MAN1C1: variants seen among roughly 807,000 people sequenced by gnomAD.
MAN1C1 encodes mannosyl-oligosaccharide 1,2-alpha-mannosidase IC.
A neutral mutation model predicts 71.5 loss-of-function variants in MAN1C1; 49 were observed. The observed-to-expected ratio is 0.69, with a 90% CI of 0.54 to 0.87. The LOEUF (loss-of-function observed/expected upper bound fraction) is 0.87, where lower values mean the gene tolerates loss of function less well. Ranked by LOEUF, MAN1C1 falls within the 40% of genes least tolerant of loss-of-function variation. The pLI, the probability that MAN1C1 is intolerant of heterozygous loss-of-function variation, is 0.00. For missense variants in MAN1C1, 743 were observed against 835.0 expected, an observed-to-expected ratio of 0.89 and a Z score of 1.36; for synonymous variants, 352 against 343.7, an observed-to-expected ratio of 1.02 and a Z score of -0.27.
chr1:25,703,834 G>T (rs1048996188), intron 2 of MAN1C1, among the ~76,000 whole-genome samples: 2 of 152,196 alleles, frequency 1.3e-5, no homozygotes, highest in Non-Finnish European at 2.9e-5. Context: ...ATTGAAAGGG[G>T]CTGAGGTGTG....
chr1:25,772,501 A>G (rs1244009866), intron 8 of MAN1C1: 1 of 152,288 alleles, frequency 6.6e-6, no homozygotes, highest in East Asian at 1.9e-4. Flanking sequence ...CTCAACAGAT[A>G]CTTTGGAGCC....
chr1:25,669,067 AAG>A (rs981518552), intron 1 of MAN1C1, among the ~76,000 whole-genome samples: 33 of 152,312 alleles, frequency 2.2e-4, no homozygotes, highest in Admixed American at 2.0e-3. Context: ...AAGTGCAGGG[AAG>A]AGAGGAATTT....
At chr1:25,636,020 C>G (rs2045455103) in intron 1 of MAN1C1, among the ~76,000 whole-genome samples, 1 of 152,164 alleles carries the variant, frequency 6.6e-6, no homozygotes, top group African/African-American at 2.4e-5. Flanking sequence ...GCCACAAGAC[C>G]AGCAAGTTGT....
At chr1:25,648,416 G>C (rs920677925) in intron 1 of MAN1C1, among the ~76,000 whole-genome samples, 2 of 152,204 alleles carry the variant, frequency 1.3e-5, no homozygotes, top group South Asian at 4.1e-4. Flanking sequence ...TAGAGCAGAT[G>C]ATGGTCTTGG....
intron 1 of MAN1C1, among the ~76,000 whole-genome samples, chr1:25,684,872 C>G (rs2744776): frequency 0.22 from 33,370 of 152,218 alleles, 6,247 homozygotes; most frequent in African/African-American, 0.51. Context: ...GTGCTTCTCA[C>G]ATGTGGCCCC....
At position 25,644,518 on chromosome 1, in the gene MAN1C1, A is replaced by ATTTTTTT. The variant is rs1203077345; in HGVS notation, c.540+26200_540+26206dup. 1.0e-3 allele frequency: 41 copies of ATTTTTTT among 40,290 alleles called. 7 individuals carry two copies. Among genetic ancestry groups the ATTTTTTT allele is most frequent in the East Asian group, 7.7e-3 (7 of 904 alleles). The allele number at this position is 40,290 out of a possible 1,614,324, so 2.5% of individuals were successfully genotyped here. A position where few individuals can be genotyped will look rare whatever the true frequency, so the allele number is the denominator to read the frequency against. ...GAGACATATATATATATATATATAT[A>ATTTTTTT]TTTTTTTTTTTTTTTTTTTTTTTTT... On this transcript the variant is annotated intron_variant, in intron 1 of 11. Coordinates refer to ENST00000374332, the MANE Select transcript of MAN1C1 (RefSeq NM_020379.4).
intron 2 of MAN1C1, among the ~76,000 whole-genome samples, chr1:25,693,734 A>T (rs182656139): frequency 3.3e-5 from 5 of 152,344 alleles, no homozygotes; most frequent in Non-Finnish European, 5.9e-5. Context: ...TGTCAGTGTG[A>T]TGGACAGAGA....
chr1:25,731,467 G>A (rs979306322), intron 2 of MAN1C1, among the ~76,000 whole-genome samples: 2 of 152,126 alleles, frequency 1.3e-5, no homozygotes, highest in East Asian at 1.9e-4. Flanking sequence ...GGCTTCAGTC[G>A]TCTACATTAT....
intron 1 of MAN1C1, among the ~76,000 whole-genome samples, chr1:25,641,399 C>A (rs1287792372): frequency 6.6e-6 from 1 of 152,210 alleles, no homozygotes; most frequent in Non-Finnish European, 1.5e-5. Flanking sequence ...TCTGTGACAT[C>A]ATTTGAAGGC....
rs906538236 is a variant in MAN1C1 at position 25,775,363 on chromosome 1, C to T, written c.1258-2742C>T. On this transcript the variant is annotated intron_variant, in intron 8 of 11. Coordinates refer to ENST00000374332, the MANE Select transcript of MAN1C1 (RefSeq NM_020379.4). The surrounding 1 kb of genome is among the most constrained non-coding windows in gnomAD (Gnocchi z 5.1). ...GTGCCCTGGCATGTCACATTGTCAGCGCTTTTCCATCTGCCACTCAGTGTG... is the reference window on the plus strand; with the variant it reads ...GTGCCCTGGCATGTCACATTGTCAGTGCTTTTCCATCTGCCACTCAGTGTG... Among the ~76,000 whole-genome samples, 2 of 152,224 alleles carry T rather than the reference C, an allele frequency of 1.3e-5. No individual in the cohort carries two copies. Among genetic ancestry groups the T allele is most frequent in the South Asian group, 2.1e-4 (1 of 4,830 alleles).
At chr1:25,762,281 C>T (rs1350723327) in intron 6 of MAN1C1, among the ~76,000 whole-genome samples, 2 of 151,886 alleles carry the variant, frequency 1.3e-5, no homozygotes, top group African/African-American at 4.8e-5. Flanking sequence ...AATGTGCCAT[C>T]ACACCCAGCT....
At chr1:25,719,737 A>G (rs938238263) in intron 2 of MAN1C1, among the ~76,000 whole-genome samples, 2 of 151,868 alleles carry the variant, frequency 1.3e-5, no homozygotes, top group Non-Finnish European at 2.9e-5. Flanking sequence ...CTACATTTTT[A>G]TTATTGCCAT....
At chr1:25,726,596 G>A (rs2046835296) in intron 2 of MAN1C1, among the ~76,000 whole-genome samples, 1 of 152,260 alleles carries the variant, frequency 6.6e-6, no homozygotes, top group African/African-American at 2.4e-5. Flanking sequence ...TGAGGCCGCT[G>A]GTGTGGGGAG....
Position 25,618,157 on chromosome 1 carries a change from G to C in MAN1C1, c.360G>C (p.Glu120Asp). ...RRTRPTGPRE[E>D]ATAARGNSIP... is the part of the protein sequence containing the mutation. ...CCCGCCCCACTGGACCCCGCGAGGAGGCCACGGCGGCCCGGGGCAATAGCA... is the reference window on the plus strand; with the variant it reads ...CCCGCCCCACTGGACCCCGCGAGGACGCCACGGCGGCCCGGGGCAATAGCA... The change falls in exon 1 of 12, where the codon GAG (glutamate) becomes GAC (aspartate). Residue 120 changes from glutamate to aspartate, a missense_variant. By Grantham distance (45) the Glu-to-Asp change is conservative. Coordinates refer to ENST00000374332, the MANE Select transcript of MAN1C1 (RefSeq NM_020379.4). 1 of 1,545,292 alleles carries C rather than the reference G, an allele frequency of 6.5e-7. No homozygotes were observed. Among genetic ancestry groups the C allele is most frequent in the Non-Finnish European group, 8.7e-7 (1 of 1,152,122 alleles).
intron 2 of MAN1C1, among the ~76,000 whole-genome samples, chr1:25,742,968 C>T (rs191180127): frequency 1.8e-4 from 27 of 152,306 alleles, no homozygotes; most frequent in Non-Finnish European, 2.8e-4. Context: ...GATGAACAAT[C>T]GGTTCAATGA....
chr1:25,655,555 T>A (rs555404784), intron 1 of MAN1C1, among the ~76,000 whole-genome samples: 1 of 152,288 alleles, frequency 6.6e-6, no homozygotes, highest in South Asian at 2.1e-4. Context: ...CTCAGGTTCT[T>A]TCCTCTGGCC....
At chr1:25,756,574 G>C (rs943786804) in intron 5 of MAN1C1, among the ~76,000 whole-genome samples, 1 of 152,234 alleles carries the variant, frequency 6.6e-6, no homozygotes, top group Non-Finnish European at 1.5e-5. Context: ...GACTCACTGA[G>C]ATCACAAGCT....
At chr1:25,648,219 G>C (rs565698554) in intron 1 of MAN1C1, among the ~76,000 whole-genome samples, 2 of 152,366 alleles carry the variant, frequency 1.3e-5, no homozygotes, top group African/African-American at 4.8e-5. Context: ...TCATCAGGGA[G>C]CATATTCCCA....
Position 25,769,986 on chromosome 1 carries a change from G to A in MAN1C1, c.1142-1671G>A, listed in dbSNP as rs1224952754. ...GTGGGGAATGAGGTGGGGAGGGTGCGCCACACCGAGAGGTGACAGTGCTCG... is the reference window on the plus strand; with the variant it reads ...GTGGGGAATGAGGTGGGGAGGGTGCACCACACCGAGAGGTGACAGTGCTCG... On this transcript the variant is annotated intron_variant, in intron 7 of 11. Coordinates refer to ENST00000374332, the MANE Select transcript of MAN1C1 (RefSeq NM_020379.4). The surrounding 1 kb of genome is among the most constrained non-coding windows in gnomAD (Gnocchi z 4.8). Among the ~76,000 whole-genome samples, 2 of 150,366 alleles carry A rather than the reference G, an allele frequency of 1.3e-5. No individual in the cohort carries two copies. The highest frequency in any genetic ancestry group is 3.0e-5 in the Non-Finnish European group (2 of 67,466).
Sources: gnomAD v4.1 joint callset for allele counts (sites outside exome capture counted in the v4.1 genomes callset) on GRCh38, gnomAD v4.1.1 for gene constraint, Gnocchi (gnomAD v3.1) non-coding constraint, MANE v1.5 for transcripts, NCBI Gene and HGNC (gene_info 2026-07-23, HGNC 2026-07-21) for gene names.